Variants in TGFBI observed in about 807,000 individuals in gnomAD.
TGFBI encodes the protein transforming growth factor beta induced.
TGFBI carries 50 observed loss-of-function variants against 73.7 expected under a neutral mutation model. That is an observed-to-expected ratio of 0.68 (90% CI 0.54 to 0.86). The LOEUF is 0.86. TGFBI is among the 40% of genes least tolerant of loss of function. The pLI is 0.00. For synonymous variants in TGFBI, 362 were observed against 360.5 expected, an observed-to-expected ratio of 1.00 and a Z score of -0.05; for missense variants, 839 against 877.0, an observed-to-expected ratio of 0.96 and a Z score of 0.55.
intron 2 of TGFBI, among the ~76,000 whole-genome samples, chr5:136,039,140 G>A (rs1263250766): frequency 6.6e-6 from 1 of 152,160 alleles, no homozygotes; most frequent in Non-Finnish European, 1.5e-5. Context: ...TTTATATCTG[G>A]AGTTTCTTTA....
At chr5:136,035,749 ATTGCTTC>A (rs774490532) in intron 2 of TGFBI, among the ~76,000 whole-genome samples, 2 of 152,150 alleles carry the variant, frequency 1.3e-5, no homozygotes, top group African/African-American at 2.4e-5. Flanking sequence ...GCCTCACCTA[ATTGCTTC>A]TTGGAAGGTG....
At chr5:136,043,364 G>T (rs1331828870) in intron 2 of TGFBI, among the ~76,000 whole-genome samples, 1 of 152,158 alleles carries the variant, frequency 6.6e-6, no homozygotes, top group Non-Finnish European at 1.5e-5. Flanking sequence ...TTTCAAACCA[G>T]AAAACAAAAG....
rs555032753 is a variant in TGFBI at position 136,042,047 on chromosome 5, T to A, written c.234-2011T>A. Among the ~76,000 whole-genome samples, 37 of 152,322 alleles carry A rather than the reference T, an allele frequency of 2.4e-4. 1 individual carries two copies. In the South Asian group the frequency reaches 5.2e-3, roughly 21 times the overall value. ...CTCCAACTCTGCTTCAGCATCTCCA[T>A]GGATTTTCACACAGACACTTTAGGA... On this transcript the variant is annotated intron_variant, in intron 2 of 16. Coordinates refer to ENST00000442011, the MANE Select transcript of TGFBI (RefSeq NM_000358.3).
chr5:136,033,902 C>G (rs201255996), intron 2 of TGFBI, 41 bp downstream of exon 2: 8 of 1,535,716 alleles, frequency 5.2e-6, no homozygotes, highest in Admixed American at 3.4e-5. Context: ...GCTGTATGCA[C>G]GCTGGCTGCA....
chr5:136,049,354 G>T, intron 6 of TGFBI, 85 bp from the exon 7 acceptor site: 1 of 1,528,672 alleles, frequency 6.5e-7, no homozygotes, highest in East Asian at 2.3e-5. Context: ...GAGCCCTTGC[G>T]GGGAACCAGT....
intron 1 of TGFBI, among the ~76,000 whole-genome samples, chr5:136,029,961 G>A (rs142538251): frequency 1.3e-5 from 2 of 152,168 alleles, no homozygotes; most frequent in African/African-American, 4.8e-5. Context: ...CTGAAGATGT[G>A]TTGGCTTTAG....
intron 15 of TGFBI, among the ~76,000 whole-genome samples, chr5:136,062,000 C>T (rs1751757130): frequency 6.6e-6 from 1 of 152,176 alleles, no homozygotes; most frequent in Non-Finnish European, 1.5e-5. Flanking sequence ...CTGGGGCTCT[C>T]CTGGGCACTG....
Position 136,053,029 on chromosome 5 carries a change from A to G in TGFBI, c.1036A>G (p.Ile346Val). 6.2e-7 allele frequency: 1 copy of G among 1,614,054 alleles called. No individual in the cohort carries two copies. Among genetic ancestry groups the G allele is most frequent in the Non-Finnish European group, 8.5e-7 (1 of 1,179,904 alleles). The change falls in exon 8 of 17, where the codon ATC (isoleucine) becomes GTC (valine). Residue 346 changes from isoleucine to valine, a missense_variant. By Grantham distance (29) the Ile-to-Val change is conservative (BLOSUM62 3). Coordinates refer to ENST00000442011, the MANE Select transcript of TGFBI (RefSeq NM_000358.3). ...EVGCSGDMLT[I>V]NGKAIISNKD... ...GGGCTGCAGCGGGGACATGCTCACT[A>G]TCAACGGGAAGGCGATCATCTCCAA...
At chr5:136,055,913 G>A in intron 11 of TGFBI, 97 bp downstream of exon 11, 1 of 1,353,000 alleles carries the variant, frequency 7.4e-7, no homozygotes, top group East Asian at 2.6e-5. Flanking sequence ...TTCTACCTTG[G>A]GGATTCAATT....
chr5:136,059,048 A>G lies in TGFBI; in HGVS notation c.1679-42A>G, dbSNP rs1279845941. The stretch of plus-strand genomic sequence containing the variant: ...GCCCTCCTTGACCAGGCTAATTACC[A>G]TTCTTGGGATTAACTCTATCTCCTT... On this transcript the variant is annotated intron_variant, in intron 12 of 16. Coordinates refer to ENST00000442011, the MANE Select transcript of TGFBI (RefSeq NM_000358.3). 3 of 1,596,350 alleles carry G rather than the reference A, an allele frequency of 1.9e-6. No homozygotes were observed. The Admixed American group carries it at 5.2e-5, about 27-fold the overall frequency.
chr5:136,033,477 A>C (rs1414791600), intron 1 of TGFBI, among the ~76,000 whole-genome samples: 1 of 152,206 alleles, frequency 6.6e-6, no homozygotes, highest in Non-Finnish European at 1.5e-5. Flanking sequence ...TTTTGTTTAC[A>C]CTTATCAATT....
chr5:136,044,169 A>G (rs1268117158), intron 3 of TGFBI, 47 bp downstream of exon 3: 1 of 1,522,476 alleles, frequency 6.6e-7, no homozygotes, highest in Non-Finnish European at 9.1e-7. Flanking sequence ...GTGGAAGGGA[A>G]TGGTGGGAGA....
At chr5:136,035,591 G>C (rs962581952) in intron 2 of TGFBI, among the ~76,000 whole-genome samples, 3 of 145,124 alleles carry the variant, frequency 2.1e-5, no homozygotes. Flanking sequence ...TGCCACTGCA[G>C]TCCAGCCTGG....
intron 16 of TGFBI, 57 bp from the exon 17 acceptor site, chr5:136,063,129 C>T (rs1751779283): frequency 6.5e-7 from 1 of 1,527,704 alleles, no homozygotes; most frequent in Non-Finnish European, 9.1e-7. Context: ...TGACAGTGTC[C>T]TAGACAGACA....
chr5:136,039,037 A>T (rs1040113247), intron 2 of TGFBI, among the ~76,000 whole-genome samples: 2 of 152,162 alleles, frequency 1.3e-5, no homozygotes, highest in East Asian at 3.8e-4. Flanking sequence ...TGACTTATAG[A>T]TGCATTTTTC....
chr5:136,050,762 G>A (rs45572236), intron 7 of TGFBI, among the ~76,000 whole-genome samples: 4 of 152,174 alleles, frequency 2.6e-5, no homozygotes, highest in African/African-American at 4.8e-5. Flanking sequence ...TACATTTAAA[G>A]TGTTCTCCTT....
At position 136,044,038 on chromosome 5, in the gene TGFBI, G is replaced by A. The variant is rs755967823; in HGVS notation, c.234-20G>A. On this transcript the variant is annotated intron_variant, in intron 2 of 16. Coordinates refer to ENST00000442011, the MANE Select transcript of TGFBI (RefSeq NM_000358.3). The stretch of plus-strand genomic sequence containing the variant: ...ACAGTGAAGCCCTGCCTAACACAAT[G>A]TATGGTTGTCTTGTTACAGAGTCAT... The A allele has an allele frequency of 1.9e-6, 3 of 1,610,970 alleles. No homozygotes were observed. Among genetic ancestry groups the A allele is most frequent in the African/African-American group, 1.3e-5 (1 of 74,992 alleles).
intron 2 of TGFBI, among the ~76,000 whole-genome samples, chr5:136,038,454 C>T (rs45520034): frequency 1.4e-4 from 21 of 151,626 alleles, no homozygotes; most frequent in South Asian, 4.2e-4. Context: ...TGGTGGTTCA[C>T]GCCTTTAATC....
At chr5:136,029,345 G>A (rs1454034086) in intron 1 of TGFBI, among the ~76,000 whole-genome samples, 156 bp downstream of exon 1, 1 of 151,988 alleles carries the variant, frequency 6.6e-6, no homozygotes, top group African/African-American at 2.4e-5. Flanking sequence ...AGCCCTGCAC[G>A]CGGTGGAAGG....
Sources: gnomAD v4.1 joint callset for allele counts (sites outside exome capture counted in the v4.1 genomes callset) on GRCh38, gnomAD v4.1.1 for gene constraint, MANE v1.5 for transcripts, NCBI Gene and HGNC (gene_info 2026-07-23, HGNC 2026-07-21) for gene names.